Variants in DNAH17 observed in about 807,000 individuals in gnomAD.
DNAH17 encodes axonemal beta dynein heavy chain 17.
Under a neutral mutation model 485.6 loss-of-function variants are expected in DNAH17, and 376 were observed. The ratio of observed to expected loss-of-function variants is 0.77; its 90% CI spans 0.71 to 0.84. The LOEUF is 0.84. Ranked by LOEUF, DNAH17 falls within the 40% of genes least tolerant of loss-of-function variation. The pLI is 0.00. For synonymous variants in DNAH17, 3,031 were observed against 2,405.9 expected (o/e 1.26, Z -7.60); for missense variants, 6,370 against 5,839.3 (o/e 1.09, Z -2.96).
At position 78,479,023 on chromosome 17, in the gene DNAH17, A is replaced by G. The variant is rs2089232632; in HGVS notation, c.7992+2T>C. 1 of 1,613,490 alleles carries G rather than the reference A, an allele frequency of 6.2e-7. No homozygotes were observed. Among genetic ancestry groups the G allele is most frequent in the Non-Finnish European group, 8.5e-7 (1 of 1,179,500 alleles). On this transcript the variant is annotated splice_donor_variant, in intron 51 of 80. Coordinates refer to ENST00000389840, the MANE Select transcript of DNAH17 (RefSeq NM_173628.4). LOFTEE classifies it high-confidence loss of function. ...CATGACATAAAGCTACAAGAGCAGT[A>G]CCTGGAAAATATTGGAGAGGTCCCT... is the stretch of plus-strand genomic sequence containing the variant.
rs750626485 is a variant in DNAH17 at position 78,450,742 on chromosome 17, G to C, written c.10839C>G (p.Asp3613Glu). Residue 3613 changes from aspartate to glutamate, a missense_variant, in exon 67 of 81, where the codon GAC becomes GAG. Physicochemically the swap from Asp to Glu is conservative, Grantham distance 45. Coordinates refer to ENST00000389840, the MANE Select transcript of DNAH17 (RefSeq NM_173628.4). Reference sequence around the variant, plus strand: ...TCTCCAGATTCTCCACCAAGGCCGTGTCTCCCAGAAAGTTCCCCGACGCAG... The same window carrying C: ...TCTCCAGATTCTCCACCAAGGCCGTCTCTCCCAGAAAGTTCCCCGACGCAG... ...LSAASGNFLG[D>E]TALVENLETT... The C allele has an allele frequency of 6.2e-7, 1 of 1,614,056 alleles. No homozygotes were observed.
At chr17:78,451,910 G>A (rs2087570296) in intron 65 of DNAH17, among the ~76,000 whole-genome samples, 1 of 152,004 alleles carries the variant, frequency 6.6e-6, no homozygotes, top group Non-Finnish European at 1.5e-5. Context: ...CATCTTTGCA[G>A]CAGGGTTTAC....
At chr17:78,531,905 C>A (rs1355059320) in intron 20 of DNAH17, among the ~76,000 whole-genome samples, 1 of 152,224 alleles carries the variant, frequency 6.6e-6, no homozygotes, top group African/African-American at 2.4e-5. Context: ...ACATCTGGGG[C>A]CTTGCCCATG....
chr17:78,484,953 C>T lies in DNAH17; in HGVS notation c.7564G>A (p.Asp2522Asn), dbSNP rs1641264114. The T allele has an allele frequency of 1.2e-6, 2 of 1,612,578 alleles. No individual in the cohort carries two copies. Among genetic ancestry groups the T allele is most frequent in the African/African-American group, 1.3e-5 (1 of 74,894 alleles). ...TCCACCTCGGGCATGTTCATGTCGT[C>T]GATGAAGTAGACGAGCTTCTTAGTG... ...PGTKKLVYFI[D>N]DMNMPEVDKY... is the part of the protein sequence containing the mutation. The change falls in exon 48 of 81, where the codon GAC becomes AAC. Residue 2522 changes from aspartate (D) to asparagine (N), a missense_variant. Transcript: ENST00000389840.
intron 12 of DNAH17, among the ~76,000 whole-genome samples, chr17:78,561,175 TCCCGACC>T (rs1368708310): frequency 2.6e-5 from 4 of 151,848 alleles, no homozygotes; most frequent in African/African-American, 9.7e-5. Context: ...AGCAACTGGC[TCCCGACC>T]GCCAGGCCTG....
At chr17:78,552,308 C>T (rs1028682889) in intron 15 of DNAH17, among the ~76,000 whole-genome samples, 1 of 152,242 alleles carries the variant, frequency 6.6e-6, no homozygotes, top group Non-Finnish European at 1.5e-5. Context: ...CGTGACTACA[C>T]TTCTTCCTAC....
chr17:78,449,978 C>T (rs2087476741), intron 68 of DNAH17: 3 of 509,982 alleles, frequency 5.9e-6, no homozygotes, highest in East Asian at 6.6e-5. Context: ...GCCAGGCCAT[C>T]CAGTTTGTTT....
At chr17:78,541,951 T>C (rs1051889029) in intron 17 of DNAH17, among the ~76,000 whole-genome samples, 1 of 152,044 alleles carries the variant, frequency 6.6e-6, no homozygotes, top group Admixed American at 6.6e-5. Flanking sequence ...CAACAGACTC[T>C]GGTTCAGTCA....
chr17:78,453,272 C>T, intron 65 of DNAH17, 71 bp downstream of exon 65: 1 of 1,569,020 alleles, frequency 6.4e-7, no homozygotes, highest in Non-Finnish European at 8.7e-7. Context: ...GTTTTCTCTA[C>T]ATGCACACGC....
chr17:78,494,538 G>A (rs996544860), intron 40 of DNAH17, 55 bp downstream of exon 40: 2 of 1,567,060 alleles, frequency 1.3e-6, no homozygotes, highest in South Asian at 1.1e-5. Context: ...CAGTGGGAAG[G>A]AAGCCCCAGC....
intron 37 of DNAH17, among the ~76,000 whole-genome samples, chr17:78,496,327 G>C (rs1304312731): frequency 6.7e-6 from 1 of 150,330 alleles, no homozygotes; most frequent in Non-Finnish European, 1.5e-5. Context: ...GCAAGACCCT[G>C]TCTCAATAAA....
Position 78,530,431 on chromosome 17 carries a change from A to G in DNAH17, c.3196T>C (p.Cys1066Arg). ...KVFHGWLQCD[C>R]RPFKQALLST... ...AGCAGGGCCTGCTTGAAGGGGCGGC[A>G]GTCGCACTGCAGCCAGCCGTGGAAC... Residue 1066 changes from cysteine (C) to arginine (R), a missense_variant, in exon 21 of 81, where the codon TGC becomes CGC. Transcript: ENST00000389840. 6.2e-7 allele frequency: 1 copy of G among 1,613,720 alleles called. No individual in the cohort carries two copies. Among genetic ancestry groups the G allele is most frequent in the South Asian group, 1.1e-5 (1 of 91,090 alleles).
chr17:78,429,499 C>G (rs948324497), intron 75 of DNAH17, among the ~76,000 whole-genome samples, 199 bp from the exon 76 acceptor site: 1 of 152,214 alleles, frequency 6.6e-6, no homozygotes, highest in Non-Finnish European at 1.5e-5. Flanking sequence ...TCCGCGCCAC[C>G]AGACGCCAAT....
At chr17:78,438,788 C>T (rs1384680504) in intron 73 of DNAH17, among the ~76,000 whole-genome samples, 1 of 152,178 alleles carries the variant, frequency 6.6e-6, no homozygotes, top group Admixed American at 6.5e-5. Context: ...TGTGAGCCAC[C>T]GTGCCCAACC....
In DNAH17 at chr17:78,491,473, C is replaced by T. The variant is rs1454686395; in HGVS notation, c.6639G>A (p.Glu2213=). Residue 2213 remains glutamate (E), a synonymous_variant, in exon 43 of 81, where the codon GAG becomes GAA. Transcript: ENST00000389840. ...LDGDIDPMWI[E]SLNTVMDDNK... ...TGTCATCCATGACTGTGTTGAGAGACTCGATCCACATGGGGTCTATGTCTC... is the reference window on the plus strand; with the variant it reads ...TGTCATCCATGACTGTGTTGAGAGATTCGATCCACATGGGGTCTATGTCTC... 6.2e-7 allele frequency: 1 copy of T among 1,613,098 alleles called. No individual in the cohort carries two copies. Among genetic ancestry groups the T allele is most frequent in the Non-Finnish European group, 8.5e-7 (1 of 1,179,668 alleles).
In DNAH17 at chr17:78,475,317, C is replaced by G; in HGVS notation, c.8472G>C (p.Gln2824His). Residue 2824 changes from glutamine (Q) to histidine (H), a missense_variant, in exon 54 of 81, where the codon CAG becomes CAC. By Grantham distance (24) the Gln-to-His change is conservative. Transcript: ENST00000389840. ...TCCCGTAGCCCTTCTTGAGGGTGAT[C>G]TGAAACACGTCAAGCCCGCTGATGT... is the stretch of plus-strand genomic sequence containing the variant. ...AAYISGLDVF[Q>H]ITLKKGYGIP... 1.2e-6 allele frequency: 2 copies of G among 1,613,998 alleles called. No homozygotes were observed. The highest frequency in any genetic ancestry group is 1.1e-5 in the South Asian group (1 of 91,090).
chr17:78,467,756 G>A (rs1333008925), intron 55 of DNAH17, among the ~76,000 whole-genome samples: 2 of 152,128 alleles, frequency 1.3e-5, no homozygotes, highest in South Asian at 2.1e-4. Flanking sequence ...GAAAATCAAG[G>A]TGTGGCCAGG....
intron 48 of DNAH17, 127 bp downstream of exon 48, chr17:78,484,739 ACC>A: frequency 2.6e-5 from 9 of 347,788 alleles, no homozygotes; most frequent in East Asian, 6.2e-5. Context: ...ACGTTGCAGC[ACC>A]CCCCCCACCG....
At chr17:78,529,114 A>G (rs544431171) in intron 22 of DNAH17, among the ~76,000 whole-genome samples, 5 of 152,118 alleles carry the variant, frequency 3.3e-5, no homozygotes, top group Admixed American at 2.0e-4. Flanking sequence ...CTAATTTTCT[A>G]TATTTTTGTA....
Sources: gnomAD v4.1 joint callset for allele counts (sites outside exome capture counted in the v4.1 genomes callset) on GRCh38, gnomAD v4.1.1 for gene constraint, MANE v1.5 for transcripts, NCBI Gene and HGNC (gene_info 2026-07-23, HGNC 2026-07-21) for gene names.